PRKG1: variants seen among roughly 807,000 people sequenced by gnomAD.
PRKG1 encodes protein kinase cGMP-dependent 1, also known as cGMP-dependent protein kinase 1.
A neutral mutation model predicts 88.1 loss-of-function variants in PRKG1; 35 were observed. That is an observed-to-expected ratio of 0.40 (90% CI 0.30 to 0.53). The LOEUF (loss-of-function observed/expected upper bound fraction) is 0.53, where lower values mean the gene tolerates loss of function less well. Among genes scored for constraint, PRKG1 ranks in the 20% least tolerant of loss-of-function variants. The pLI, the probability that PRKG1 is intolerant of heterozygous loss-of-function variation, is 0.59. For missense variants in PRKG1, 540 were observed against 839.8 expected, an observed-to-expected ratio of 0.64 and a Z score of 4.41; for synonymous variants, 303 against 292.5, an observed-to-expected ratio of 1.04 and a Z score of -0.37.
At chr10:51,189,729 A>G (rs1262396468) in intron 2 of PRKG1, among the ~76,000 whole-genome samples, 3 of 152,016 alleles carry the variant, frequency 2.0e-5, no homozygotes, top group African/African-American at 7.2e-5. Flanking sequence ...TTAAATTAAA[A>G]TATTATGAAT....
At chr10:51,489,898 A>G (rs1265415346) in intron 3 of PRKG1, among the ~76,000 whole-genome samples, 1 of 152,142 alleles carries the variant, frequency 6.6e-6, no homozygotes, top group Non-Finnish European at 1.5e-5. Context: ...ATGTTCTATG[A>G]CCTGTTTACT....
At chr10:51,116,757 G>C (rs1481837325) in intron 1 of PRKG1, among the ~76,000 whole-genome samples, 8 of 152,140 alleles carry the variant, frequency 5.3e-5, no homozygotes, top group Admixed American at 5.2e-4. Flanking sequence ...ATGGGAGAGA[G>C]GGTGGAAGGC....
chr10:52,279,748 T>G (rs997374089), intron 12 of PRKG1, among the ~76,000 whole-genome samples: 8 of 152,134 alleles, frequency 5.3e-5, no homozygotes, highest in African/African-American at 1.9e-4. Flanking sequence ...TGTCTATTAA[T>G]AAAATCACTT....
intron 2 of PRKG1, among the ~76,000 whole-genome samples, chr10:51,301,679 A>G (rs1284827079): frequency 6.6e-6 from 1 of 152,224 alleles, no homozygotes; most frequent in African/African-American, 2.4e-5. Context: ...ATGGAAGCCA[A>G]GCTGGCCCAG....
chr10:51,597,461 T>C (rs1838483200), intron 3 of PRKG1, among the ~76,000 whole-genome samples: 1 of 152,198 alleles, frequency 6.6e-6, no homozygotes, highest in South Asian at 2.1e-4. Flanking sequence ...AATGATCTGT[T>C]TCAACTAACA....
At chr10:51,732,110 A>G (rs2132472735) in intron 3 of PRKG1, among the ~76,000 whole-genome samples, 1 of 148,946 alleles carries the variant, frequency 6.7e-6, no homozygotes, top group Admixed American at 6.8e-5. Context: ...CCCAGGCTGG[A>G]GTGCAGTGAC....
chr10:52,232,426 ACTC>A (rs1471425013), intron 9 of PRKG1, among the ~76,000 whole-genome samples: 4 of 151,970 alleles, frequency 2.6e-5, no homozygotes, highest in African/African-American at 9.7e-5. Flanking sequence ...ATAAAACAAA[ACTC>A]CACTGATAAT....
At chr10:51,243,215 C>T (rs1839200610) in intron 2 of PRKG1, among the ~76,000 whole-genome samples, 1 of 152,146 alleles carries the variant, frequency 6.6e-6, no homozygotes, top group Non-Finnish European at 1.5e-5. Context: ...CCACAGGACA[C>T]AGACAGCTGA....
At chr10:51,292,438 G>A (rs1054247014) in intron 2 of PRKG1, among the ~76,000 whole-genome samples, 8 of 152,096 alleles carry the variant, frequency 5.3e-5, no homozygotes, top group Non-Finnish European at 1.0e-4. Context: ...AAGAAAGGAC[G>A]TATTTTCTAC....
At chr10:51,489,040 C>A (rs540909294) in intron 3 of PRKG1, among the ~76,000 whole-genome samples, 106 of 152,234 alleles carry the variant, frequency 7.0e-4, no homozygotes, top group African/African-American at 2.5e-3. Flanking sequence ...GTATTAGAGT[C>A]ATTCTGCTAA....
intron 2 of PRKG1, among the ~76,000 whole-genome samples, chr10:51,254,317 A>G (rs1029738676): frequency 6.6e-6 from 1 of 151,928 alleles, no homozygotes; most frequent in African/African-American, 2.4e-5. Context: ...TTGTTATCCA[A>G]TGTATACATT....
intron 5 of PRKG1, among the ~76,000 whole-genome samples, chr10:52,024,299 A>G (rs202057199): frequency 0.22 from 28,368 of 130,004 alleles, 2,819 homozygotes; most frequent in East Asian, 0.36. Flanking sequence ...TTATTTATTC[A>G]TTTATTTATT....
chr10:51,146,778 C>G (rs931381896), intron 1 of PRKG1, among the ~76,000 whole-genome samples: 16 of 151,950 alleles, frequency 1.1e-4, no homozygotes, highest in African/African-American at 3.1e-4. Context: ...GATCTAGTTT[C>G]TAGAAATCCT....
chr10:51,012,945 A>G (rs933922262), intron 1 of PRKG1, among the ~76,000 whole-genome samples: 1 of 152,216 alleles, frequency 6.6e-6, no homozygotes, highest in Non-Finnish European at 1.5e-5. Flanking sequence ...AGACAGAAGG[A>G]AGAATATGTG....
At chr10:52,218,644 C>A (rs1202754239) in intron 9 of PRKG1, among the ~76,000 whole-genome samples, 1 of 152,038 alleles carries the variant, frequency 6.6e-6, no homozygotes, top group Non-Finnish European at 1.5e-5. Flanking sequence ...TATATAAATT[C>A]TACACTCATT....
chr10:51,550,354 C>T (rs956203037), intron 3 of PRKG1, among the ~76,000 whole-genome samples: 2 of 151,942 alleles, frequency 1.3e-5, no homozygotes, highest in Non-Finnish European at 2.9e-5. Flanking sequence ...TATACTTTGT[C>T]TTTTCTTTTG....
intron 5 of PRKG1, among the ~76,000 whole-genome samples, chr10:52,035,296 A>G (rs552289400): frequency 6.6e-6 from 1 of 152,238 alleles, no homozygotes; most frequent in African/African-American, 2.4e-5. Flanking sequence ...TGGGTGGGGC[A>G]AATCCTTGAG....
At chr10:51,228,153 A>G (rs1283414010) in intron 2 of PRKG1, among the ~76,000 whole-genome samples, 2 of 152,198 alleles carry the variant, frequency 1.3e-5, no homozygotes, top group Non-Finnish European at 2.9e-5. Context: ...TCATTTGTGC[A>G]TACAGTTTAT....
At chr10:52,169,513 G>T (rs150049205) in intron 9 of PRKG1, among the ~76,000 whole-genome samples, 4 of 152,132 alleles carry the variant, frequency 2.6e-5, no homozygotes, top group Admixed American at 6.6e-5. Flanking sequence ...GCACCATCAC[G>T]ATGGGGATTA....
Sources: allele counts gnomAD v4.1 joint callset (sites outside exome capture counted in the v4.1 genomes callset), GRCh38; gene constraint gnomAD v4.1.1; transcripts MANE v1.5; gene names NCBI Gene and HGNC (gene_info 2026-07-23, HGNC 2026-07-21).